Variants in SKA2 observed in about 807,000 individuals in gnomAD.
SKA2 encodes spindle and kinetochore-associated protein 2.
In SKA2, 13 loss-of-function variants were observed where a neutral mutation model predicts 16.9. The observed-to-expected ratio is 0.77, with a 90% confidence interval of 0.50 to 1.22. The LOEUF (loss-of-function observed/expected upper bound fraction) is 1.22, where lower values mean the gene tolerates loss of function less well. Ranked by LOEUF, SKA2 falls within the 50% of genes most tolerant of loss-of-function variation. The pLI is 0.00. For missense variants in SKA2, 107 were observed against 139.7 expected (o/e 0.77, Z 1.18); for synonymous variants, 47 against 48.5 (o/e 0.97, Z 0.13).
In SKA2 at chr17:59,119,573, C is replaced by G. The variant is rs145114167; in HGVS notation, c.121-78G>C. 3.8e-4 allele frequency: 481 copies of G among 1,264,746 alleles called. 1 individual carries two copies. Among genetic ancestry groups the G allele is most frequent in the Middle Eastern group, 2.5e-3 (11 of 4,424 alleles). The allele number at this position is 1,264,746 out of a possible 1,614,324, so 78.3% of individuals were successfully genotyped here. On this transcript the variant is annotated intron_variant, in intron 2 of 3. Transcript: ENST00000330137. Reference sequence around the variant, plus strand: ...TAAGAATTAAAATACTGTATACATACAACACATTCTACCATCCATTTAATT... The same window carrying G: ...TAAGAATTAAAATACTGTATACATAGAACACATTCTACCATCCATTTAATT...
chr17:59,128,796 C>T (rs2046389322), intron 2 of SKA2, among the ~76,000 whole-genome samples: 1 of 152,064 alleles, frequency 6.6e-6, no homozygotes, highest in Admixed American at 6.6e-5. Context: ...GGAGTAGCTA[C>T]TCATGGGTAT....
At chr17:59,136,043 T>C (rs2046442296) in intron 1 of SKA2, among the ~76,000 whole-genome samples, 1 of 150,328 alleles carries the variant, frequency 6.7e-6, no homozygotes, top group Non-Finnish European at 1.5e-5. Context: ...GGCAATATAG[T>C]GAGACCCCAT....
intron 2 of SKA2, among the ~76,000 whole-genome samples, chr17:59,121,076 C>G (rs1161892705): frequency 1.3e-5 from 2 of 148,306 alleles, no homozygotes; most frequent in Non-Finnish European, 1.5e-5. Flanking sequence ...CGCTTGAACC[C>G]GGGAGGCAGA....
intron 1 of SKA2, among the ~76,000 whole-genome samples, chr17:59,144,510 C>T (rs768117687): frequency 2.0e-5 from 3 of 152,124 alleles, no homozygotes; most frequent in East Asian, 1.9e-4. Flanking sequence ...GGAAGCAACA[C>T]GAGTGTCCAT....
intron 3 of SKA2, among the ~76,000 whole-genome samples, chr17:59,116,071 T>C (rs2147792933): frequency 6.6e-6 from 1 of 152,230 alleles, no homozygotes; most frequent in South Asian, 2.1e-4. Flanking sequence ...TTGAACATAT[T>C]TAAACCTCAG....
chr17:59,134,761 G>A (rs1023680283), intron 1 of SKA2, among the ~76,000 whole-genome samples: 8 of 151,966 alleles, frequency 5.3e-5, no homozygotes, highest in African/African-American at 1.9e-4. Flanking sequence ...ATAATCTAAC[G>A]TATATGTCAC....
At chr17:59,146,498 C>A in intron 1 of SKA2, among the ~76,000 whole-genome samples, 1 of 150,028 alleles carries the variant, frequency 6.7e-6, no homozygotes, top group African/African-American at 2.5e-5. Flanking sequence ...GACTCTGTCT[C>A]AAAATAAATA....
At chr17:59,138,077 G>C (rs2147811969) in intron 1 of SKA2, among the ~76,000 whole-genome samples, 1 of 152,074 alleles carries the variant, frequency 6.6e-6, no homozygotes, top group South Asian at 2.1e-4. Flanking sequence ...AATAAAACTA[G>C]TGATTTTTGT....
rs1025990931 is a variant in SKA2 at position 59,110,034 on chromosome 17, A to T, written c.*2243T>A. On this transcript the variant is annotated 3_prime_UTR_variant, in exon 4 of 4. Coordinates refer to ENST00000330137, the MANE Select transcript of SKA2 (RefSeq NM_182620.4). The stretch of plus-strand genomic sequence containing the variant: ...TATACAGGTTTTAATTCCAGACAAC[A>T]GAATAGTGGCTATTAACAATAAAAT... 6.6e-6 allele frequency: 1 copy of T among 152,244 alleles called. No homozygotes were observed. Among genetic ancestry groups the T allele is most frequent in the African/African-American group, 2.4e-5 (1 of 41,462 alleles). 9.4% of individuals were successfully genotyped at this position (152,244 alleles called of 1,614,324 possible). A position where few individuals can be genotyped will look rare whatever the true frequency, so the allele number is the denominator to read the frequency against.
intron 1 of SKA2, among the ~76,000 whole-genome samples, chr17:59,143,700 T>A (rs1485262935): frequency 6.6e-6 from 1 of 151,880 alleles, no homozygotes. Context: ...CTCGAACTCC[T>A]GACCTCAGGT....
chr17:59,112,034 C>A lies in SKA2; in HGVS notation c.*243G>T. On this transcript the variant is annotated 3_prime_UTR_variant, in exon 4 of 4. Coordinates refer to ENST00000330137, the MANE Select transcript of SKA2 (RefSeq NM_182620.4). ...ACAAGACTAAGTGTGTGTGTGCATGCGTGTGTACATATATTTAAATCGTTT... is the reference window on the plus strand; with the variant it reads ...ACAAGACTAAGTGTGTGTGTGCATGAGTGTGTACATATATTTAAATCGTTT... 2.1e-6 allele frequency: 1 copy of A among 466,564 alleles called. No homozygotes were observed. The highest frequency in any genetic ancestry group is 3.9e-6 in the Non-Finnish European group (1 of 254,246). 28.9% of individuals were successfully genotyped at this position (466,564 alleles called of 1,614,324 possible).
At chr17:59,154,665 G>C (rs35667167) in intron 1 of SKA2, among the ~76,000 whole-genome samples, 1 of 152,180 alleles carries the variant, frequency 6.6e-6, no homozygotes, top group South Asian at 2.1e-4. Flanking sequence ...CCGCCTTTTA[G>C]AACGTGAGCG....
At chr17:59,147,754 G>A (rs1012253526) in intron 1 of SKA2, among the ~76,000 whole-genome samples, 9 of 146,878 alleles carry the variant, frequency 6.1e-5, no homozygotes, top group African/African-American at 2.0e-4. Context: ...GTGAGCCACC[G>A]TGCCTGGCCT....
chr17:59,150,674 C>T (rs1763238511), intron 1 of SKA2, among the ~76,000 whole-genome samples: 1 of 151,990 alleles, frequency 6.6e-6, no homozygotes. Flanking sequence ...CCCGGGAGTA[C>T]AAGGCTGCAG....
chr17:59,134,689 T>C (rs572334646), intron 1 of SKA2, among the ~76,000 whole-genome samples: 1 of 152,218 alleles, frequency 6.6e-6, no homozygotes, highest in South Asian at 2.1e-4. Flanking sequence ...GAGCTGGGAC[T>C]ACAGGCCTAA....
In SKA2 at chr17:59,128,255, CA is replaced by C. The variant is rs576639897; in HGVS notation, c.120+3025del. On this transcript the variant is annotated intron_variant, in intron 2 of 3. Coordinates refer to ENST00000330137, the MANE Select transcript of SKA2 (RefSeq NM_182620.4). The stretch of plus-strand genomic sequence containing the variant: ...GAGAGAAAAGAAGATGGAGTATAGC[CA>C]TACAGTGGAGTATTACTCAGCAGTA... 6.7e-4 allele frequency among the ~76,000 whole-genome samples: 101 copies of C among 151,876 alleles called. No individual in the cohort carries two copies. The East Asian group carries it at 0.014, about 21-fold the overall frequency.
chr17:59,152,036 T>C (rs1209196591), intron 1 of SKA2, among the ~76,000 whole-genome samples: 1 of 152,140 alleles, frequency 6.6e-6, no homozygotes, highest in East Asian at 1.9e-4. Context: ...CTAATTGACA[T>C]TTTAACTTTT....
At chr17:59,149,923 G>C (rs1351974865) in intron 1 of SKA2, among the ~76,000 whole-genome samples, 1 of 152,202 alleles carries the variant, frequency 6.6e-6, no homozygotes, top group African/African-American at 2.4e-5. Context: ...GTCTCACTCT[G>C]TTGCTCAGCC....
intron 1 of SKA2, among the ~76,000 whole-genome samples, chr17:59,146,901 G>C (rs2046536427): frequency 6.6e-6 from 1 of 152,146 alleles, no homozygotes; most frequent in African/African-American, 2.4e-5. Flanking sequence ...AAACTCCTGA[G>C]CTCAAGCAAT....
Sources: allele counts gnomAD v4.1 joint callset (sites outside exome capture counted in the v4.1 genomes callset), GRCh38; gene constraint gnomAD v4.1.1; transcripts MANE v1.5; gene names NCBI Gene and HGNC (gene_info 2026-07-23, HGNC 2026-07-21).